The following SPG21 variants were observed in gnomAD, a reference collection of about 807,000 sequenced individuals.
SPG21 encodes the protein SPG21 abhydrolase domain containing, maspardin.
In SPG21, 26 loss-of-function variants were observed where a neutral mutation model predicts 38.9. The observed-to-expected ratio is 0.67, with a 90% CI of 0.49 to 0.93. The LOEUF is 0.93. SPG21 is among the 40% of genes least tolerant of loss of function. SPG21 has a pLI of 0.00. For synonymous variants in SPG21, 136 were observed against 128.9 expected (o/e 1.05, Z -0.37); for missense variants, 333 against 376.5 (o/e 0.88, Z 0.96).
intron 5 of SPG21, among the ~76,000 whole-genome samples, chr15:64,972,150 T>C (rs1287415225): frequency 6.6e-6 from 1 of 152,188 alleles, no homozygotes; most frequent in Non-Finnish European, 1.5e-5. Context: ...TTGCTGGAAG[T>C]TGAGCTTCCC....
chr15:64,966,867 C>T (rs543779572), intron 7 of SPG21, among the ~76,000 whole-genome samples: 49 of 151,544 alleles, frequency 3.2e-4, no homozygotes, highest in African/African-American at 1.2e-3. Context: ...CCACTGCACT[C>T]CAGCCTAGGC....
intron 2 of SPG21, chr15:64,982,880 A>G (rs1015568313): frequency 1.3e-5 from 2 of 152,474 alleles, no homozygotes; most frequent in African/African-American, 4.8e-5. Context: ...TGTACTCACT[A>G]TACAGTTGCT....
intron 5 of SPG21, among the ~76,000 whole-genome samples, chr15:64,970,433 T>C (rs2085639048): frequency 6.6e-6 from 1 of 152,216 alleles, no homozygotes; most frequent in South Asian, 2.1e-4. Flanking sequence ...TTTGAGGATT[T>C]AGGATAATTA....
chr15:64,986,414 G>A (rs981127650), intron 1 of SPG21, among the ~76,000 whole-genome samples: 3 of 140,646 alleles, frequency 2.1e-5, no homozygotes, highest in East Asian at 4.4e-4. Context: ...TGCCAGGCGC[G>A]GCGGCTCACA....
At chr15:64,981,288 CCT>C (rs2085881031) in intron 2 of SPG21, 2 of 360,022 alleles carry the variant, frequency 5.6e-6, no homozygotes, top group Admixed American at 4.5e-5. Context: ...TCCCCCTCCT[CCT>C]TTTTTTTTTT....
chr15:64,983,682 A>AT, intron 1 of SPG21, 89 bp from the exon 2 acceptor site: 1 of 832,098 alleles, frequency 1.2e-6, no homozygotes, highest in Non-Finnish European at 2.0e-6. Flanking sequence ...TACCAACAAT[A>AT]TTTTAAAGAA....
At chr15:64,970,671 GCTA>G (rs1479417210) in intron 5 of SPG21, among the ~76,000 whole-genome samples, 6 of 152,122 alleles carry the variant, frequency 3.9e-5, no homozygotes. Flanking sequence ...CCCCAAATTT[GCTA>G]CTATTAGATT....
intron 2 of SPG21, 34 bp from the exon 3 acceptor site, chr15:64,981,059 C>A: frequency 6.2e-7 from 1 of 1,613,632 alleles, no homozygotes; most frequent in Non-Finnish European, 8.5e-7. Flanking sequence ...AAGTGGAAAA[C>A]CTTATAAATT....
chr15:64,983,148 C>A lies in SPG21; in HGVS notation c.63+359G>T, dbSNP rs188177534. Reference sequence around the variant, plus strand: ...TAGCGCATGCCTGTAATCCTAGCTACTTGGCAGGTTGAGGCAGGAGAATCT... The same window carrying A: ...TAGCGCATGCCTGTAATCCTAGCTAATTGGCAGGTTGAGGCAGGAGAATCT... On this transcript the variant is annotated intron_variant, in intron 2 of 8. Transcript: ENST00000204566. 1.1e-5 allele frequency: 3 copies of A among 279,050 alleles called. No homozygotes were observed. In the East Asian group the frequency reaches 4.3e-4, roughly 40 times the overall value. The allele number at this position is 279,050 out of a possible 1,614,324, so 17.3% of individuals were successfully genotyped here.
chr15:64,973,606 CT>C (rs2140425024), intron 5 of SPG21, among the ~76,000 whole-genome samples: 1 of 152,262 alleles, frequency 6.6e-6, no homozygotes, highest in South Asian at 2.1e-4. Context: ...CATGTGCCAC[CT>C]TGCCCAGCTA....
chr15:64,963,309 CAGA>C lies in SPG21; in HGVS notation c.*308_*310del, dbSNP rs1267154478. The stretch of plus-strand genomic sequence containing the variant: ...AAAACCACCACAAAGTCCCAAACCT[CAGA>C]AATTAACATTCACTTAAGAACACAG... On this transcript the variant is annotated 3_prime_UTR_variant, in exon 9 of 9. Coordinates refer to ENST00000204566, the MANE Select transcript of SPG21 (RefSeq NM_016630.7). The C allele has an allele frequency of 2.2e-5, 6 of 269,712 alleles. No homozygotes were observed. The highest frequency in any genetic ancestry group is 4.2e-5 in the Non-Finnish European group (6 of 142,062). 16.7% of individuals were successfully genotyped at this position (269,712 alleles called of 1,614,324 possible).
At chr15:64,964,008 C>T (rs540899085) in intron 8 of SPG21, among the ~76,000 whole-genome samples, 2 of 152,238 alleles carry the variant, frequency 1.3e-5, no homozygotes, top group South Asian at 2.1e-4. Context: ...CCATCTGCCT[C>T]GGCCTCCCAA....
In SPG21 at chr15:64,980,978, C is replaced by T. The variant is rs550260330; in HGVS notation, c.111G>A (p.Ala37=). The part of the protein sequence containing the change: ...DDSKIWSLYD[A]GPRSIRCPLI... ...GAGGACACCTGATACTTCGGGGGCC[C>T]GCGTCATAGAGCGACCATATCTTAC... Residue 37 remains alanine, a synonymous_variant, in exon 3 of 9, where the codon GCG becomes GCA. Coordinates refer to ENST00000204566, the MANE Select transcript of SPG21 (RefSeq NM_016630.7). 8.7e-6 allele frequency: 14 copies of T among 1,613,930 alleles called. No individual in the cohort carries two copies. The highest frequency in any genetic ancestry group is 4.0e-5 in the African/African-American group (3 of 74,868).
intron 1 of SPG21, among the ~76,000 whole-genome samples, chr15:64,986,729 AAAC>A (rs1480339561): frequency 2.6e-5 from 4 of 151,612 alleles, no homozygotes; most frequent in African/African-American, 9.7e-5. Context: ...AAAAAACAAA[AAAC>A]AAAAAAAAAC....
intron 4 of SPG21, 67 bp downstream of exon 4, chr15:64,976,408 G>T: frequency 1.7e-6 from 2 of 1,146,398 alleles, no homozygotes; most frequent in African/African-American, 1.5e-5. Context: ...CTGGGTGACA[G>T]AGTGAGACTT....
At chr15:64,965,533 A>G in intron 7 of SPG21, 73 bp from the exon 8 acceptor site, 1 of 1,597,022 alleles carries the variant, frequency 6.3e-7, no homozygotes, top group Non-Finnish European at 8.6e-7. Flanking sequence ...GCTGTAATCA[A>G]CTAGTGTTTT....
intron 1 of SPG21, among the ~76,000 whole-genome samples, chr15:64,984,301 T>G (rs1423775088): frequency 6.6e-6 from 1 of 152,214 alleles, no homozygotes; most frequent in Non-Finnish European, 1.5e-5. Flanking sequence ...TTAATAAAGA[T>G]GCTCCTGTCT....
intron 1 of SPG21, chr15:64,989,340 G>A (rs1221153927): frequency 3.3e-5 from 5 of 152,108 alleles, no homozygotes; most frequent in African/African-American, 9.7e-5. Context: ...GTAGCCCCAG[G>A]ATGGGTTTAC....
At position 64,980,947 on chromosome 15, in the gene SPG21, A is replaced by G. The variant is rs912253018; in HGVS notation, c.142T>C (p.Phe48Leu). The G allele has an allele frequency of 1.9e-6, 3 of 1,614,196 alleles. No homozygotes were observed. In the South Asian group the frequency reaches 3.3e-5, roughly 18 times the overall value. The change falls in exon 3 of 9, where the codon TTC becomes CTC. Residue 48 changes from phenylalanine to leucine, a missense_variant. Coordinates refer to ENST00000204566, the MANE Select transcript of SPG21 (RefSeq NM_016630.7). ...GPRSIRCPLI[F>L]LPPVSGTADV... Reference sequence around the variant, plus strand: ...GCAGTTCCACTGACAGGGGGCAGGAATATGAGAGGACACCTGATACTTCGG... The same window carrying G: ...GCAGTTCCACTGACAGGGGGCAGGAGTATGAGAGGACACCTGATACTTCGG...
Sources: gnomAD v4.1 joint callset for allele counts (sites outside exome capture counted in the v4.1 genomes callset) on GRCh38, gnomAD v4.1.1 for gene constraint, MANE v1.5 for transcripts, NCBI Gene and HGNC (gene_info 2026-07-23, HGNC 2026-07-21) for gene names.